The following NOXA1 variants were observed in gnomAD, a reference collection of about 807,000 sequenced individuals.
NOXA1 encodes the protein NADPH oxidase activator 1.
A neutral mutation model predicts 64.8 loss-of-function variants in NOXA1; 56 were observed. The ratio of observed to expected loss-of-function variants is 0.86; its 90% CI spans 0.70 to 1.08. The LOEUF (loss-of-function observed/expected upper bound fraction) is 1.08, where lower values mean the gene tolerates loss of function less well. Ranked by LOEUF, NOXA1 falls within the 50% of genes least tolerant of loss-of-function variation. The probability of loss-of-function intolerance (pLI) is 0.00; values close to 1 mark genes in which losing one functional copy is unlikely to be tolerated. For synonymous variants in NOXA1, 295 were observed against 294.8 expected (o/e 1.00, Z -0.01); for missense variants, 668 against 658.5 (o/e 1.01, Z -0.16).
chr9:137,429,834 C>T (rs1441702501), intron 5 of NOXA1, among the ~76,000 whole-genome samples: 1 of 74,052 alleles, frequency 1.4e-5, no homozygotes, highest in Non-Finnish European at 2.5e-5. Context: ...GTCCCTGCCA[C>T]AGATAGCGAG....
In NOXA1 at chr9:137,433,197, TCCTAC is replaced by T; in HGVS notation, c.851-7_851-3del. ...TAGTGGCTGTGTCAGTCTTGCTCTG[TCCTAC>T]AGGGCTGCCGGCAATGGGGGGGCCT... On this transcript the variant is annotated splice_region_variant and splice_polypyrimidine_tract_variant and intron_variant, in intron 9 of 13. Coordinates refer to ENST00000683555, the MANE Select transcript of NOXA1 (RefSeq NM_001256067.2). The T allele has an allele frequency of 6.2e-7, 1 of 1,608,960 alleles. No homozygotes were observed. The highest frequency in any genetic ancestry group is 1.3e-5 in the African/African-American group (1 of 74,944).
chr9:137,427,161 C>T (rs139486419), intron 2 of NOXA1, among the ~76,000 whole-genome samples: 1,585 of 152,168 alleles, frequency 0.01, 59 homozygotes, highest in Non-Finnish European at 5.0e-3. Flanking sequence ...CTTCATTGGC[C>T]GATAAAATAG....
chr9:137,424,112 GC>G (rs1209353477), intron 1 of NOXA1, among the ~76,000 whole-genome samples: 1 of 152,134 alleles, frequency 6.6e-6, no homozygotes, highest in African/African-American at 2.4e-5. Flanking sequence ...GGGTGCAGCG[GC>G]CGAGGCCCTG....
chr9:137,425,902 A>G (rs1045404575), intron 1 of NOXA1, among the ~76,000 whole-genome samples: 1 of 152,124 alleles, frequency 6.6e-6, no homozygotes, highest in African/African-American at 2.4e-5. Flanking sequence ...TTAAAAGACA[A>G]AAATCTTGCA....
intron 3 of NOXA1, 51 bp from the exon 4 acceptor site, chr9:137,428,831 G>C: frequency 3.3e-6 from 5 of 1,516,606 alleles, no homozygotes; most frequent in Non-Finnish European, 4.4e-6. Flanking sequence ...AACCGGGAGA[G>C]GGCCTGGGTG....
Position 137,434,406 on chromosome 9 carries a change from A to G in NOXA1, c.*46A>G. On this transcript the variant is annotated 3_prime_UTR_variant, in exon 14 of 14. Coordinates refer to ENST00000683555, the MANE Select transcript of NOXA1 (RefSeq NM_001256067.2). ...TTTTAATAAAAACAACCCCCACTGC[A>G]GTCTCACCCTCCAAGTGGGTGTGGG... 6.6e-7 allele frequency: 1 copy of G among 1,523,806 alleles called. No individual in the cohort carries two copies. The highest frequency in any genetic ancestry group is 8.8e-7 in the Non-Finnish European group (1 of 1,135,570). The allele number at this position is 1,523,806 out of a possible 1,614,324, so 94.4% of individuals were successfully genotyped here.
Position 137,431,972 on chromosome 9 carries a change from AAC to A in NOXA1, c.804+632_804+633del. Among the ~76,000 whole-genome samples the A allele has an allele frequency of 6.6e-6, 1 of 152,286 alleles. No homozygotes were observed. Among genetic ancestry groups the A allele is most frequent in the South Asian group, 2.1e-4 (1 of 4,828 alleles). ...CTTTATGGATGCCCACTTCCAGTTT[AAC>A]CGTGGCATCCCGGGGGCAAGGGCGC... On this transcript the variant is annotated intron_variant, in intron 8 of 13. Transcript: ENST00000683555. The surrounding 1 kb of genome is among the most constrained non-coding windows in gnomAD (Gnocchi z 5.6).
At position 137,433,986 on chromosome 9, in the gene NOXA1, C is replaced by G. The variant is rs867809764; in HGVS notation, c.1201C>G (p.Leu401Val). Residue 401 changes from leucine to valine, a missense_variant, in exon 13 of 14, where the codon CTC becomes GTC. Leu to Val is a conservative substitution (Grantham distance 32). Transcript: ENST00000683555. Reference protein sequence around the residue: ...QCRGAGGRPVLYQVVAQHSYS... With the variant: ...QCRGAGGRPVVYQVVAQHSYS... ...TCAGGGAGCCGGGGGTCGGCCGGTC[C>G]TCTACCAGGTGGTGGCCCAGCACAG... The G allele has an allele frequency of 6.4e-7, 1 of 1,556,940 alleles. No homozygotes were observed. Among genetic ancestry groups the G allele is most frequent in the South Asian group, 1.2e-5 (1 of 85,150 alleles).
At position 137,431,986 on chromosome 9, in the gene NOXA1, G is replaced by A. The variant is rs1143024; in HGVS notation, c.804+645G>A. Among the ~76,000 whole-genome samples, 6 of 152,176 alleles carry A rather than the reference G, an allele frequency of 3.9e-5. No homozygotes were observed. The highest frequency in any genetic ancestry group is 7.4e-5 in the Non-Finnish European group (5 of 68,026). ...ACTTCCAGTTTAACCGTGGCATCCC[G>A]GGGGCAAGGGCGCCCTCCAAGCTGT... On this transcript the variant is annotated intron_variant, in intron 8 of 13. Transcript: ENST00000683555. This position sits in a 1 kb window ranked among gnomAD's most constrained non-coding sequence, Gnocchi z 5.6.
intron 11 of NOXA1, 43 bp from the exon 12 acceptor site, chr9:137,433,707 C>T: frequency 2.0e-6 from 3 of 1,479,822 alleles, no homozygotes; most frequent in South Asian, 1.3e-5. Flanking sequence ...GCCCTCCCTG[C>T]AGGCCCCACC....
chr9:137,424,993 G>C (rs573165271), intron 1 of NOXA1, among the ~76,000 whole-genome samples: 1 of 152,204 alleles, frequency 6.6e-6, no homozygotes, highest in Non-Finnish European at 1.5e-5. Flanking sequence ...GGCAGCCCAG[G>C]GTGCAGAGGG....
chr9:137,429,199 C>G (rs1838979150), intron 4 of NOXA1, 77 bp from the exon 5 acceptor site: 4 of 1,357,032 alleles, frequency 2.9e-6, no homozygotes, highest in East Asian at 5.1e-5. Context: ...CCCTTCTGCT[C>G]CAAGGCACAG....
At chr9:137,427,977 C>A in intron 2 of NOXA1, 56 bp from the exon 3 acceptor site, 2 of 1,273,666 alleles carry the variant, frequency 1.6e-6, no homozygotes, top group Non-Finnish European at 1.1e-6. Context: ...TGAAAGCTGC[C>A]TAACCACAGC....
chr9:137,426,979 T>C (rs1301428953), intron 2 of NOXA1, among the ~76,000 whole-genome samples: 1 of 152,070 alleles, frequency 6.6e-6, no homozygotes, highest in Non-Finnish European at 1.5e-5. Flanking sequence ...GTATTTTTAG[T>C]AGAGACTGGG....
chr9:137,426,899 C>T (rs933223187), intron 2 of NOXA1, among the ~76,000 whole-genome samples: 3 of 152,166 alleles, frequency 2.0e-5, no homozygotes, highest in Admixed American at 6.5e-5. Flanking sequence ...TGGGTTCAAG[C>T]GATTCTCCTG....
At chr9:137,426,473 C>G in intron 2 of NOXA1, 143 bp downstream of exon 2, 1 of 691,870 alleles carries the variant, frequency 1.4e-6, no homozygotes, top group Non-Finnish European at 2.4e-6. Flanking sequence ...TCCAGGGAAA[C>G]CTGAGACTGT....
At chr9:137,425,240 T>G (rs1355703462) in intron 1 of NOXA1, among the ~76,000 whole-genome samples, 1 of 152,226 alleles carries the variant, frequency 6.6e-6, no homozygotes, top group Admixed American at 6.5e-5. Flanking sequence ...ACGGTCCCTG[T>G]TCAGAACCTT....
At chr9:137,432,187 G>A (rs1334782059) in intron 8 of NOXA1, among the ~76,000 whole-genome samples, 1 of 151,228 alleles carries the variant, frequency 6.6e-6, no homozygotes, top group Non-Finnish European at 1.5e-5. Flanking sequence ...GGCTGAGGTG[G>A]AAGGATTGCT....
chr9:137,433,600 C>G lies in NOXA1; in HGVS notation c.1057C>G (p.Gln353Glu). Residue 353 changes from glutamine to glutamate, a missense_variant, in exon 11 of 14, where the codon CAA (glutamine) becomes GAA (glutamate). Transcript: ENST00000683555. ...QALPHQAQLG[Q>E]LSYLAPGEDG... is the part of the protein sequence containing the mutation. ...CCTCCCTCACCAGGCCCAGCTTGGG[C>G]AACTCAGGTGGGCCAGAAAGCCCCC... 1 of 1,548,978 alleles carries G rather than the reference C, an allele frequency of 6.5e-7. No individual in the cohort carries two copies. The highest frequency in any genetic ancestry group is 8.7e-7 in the Non-Finnish European group (1 of 1,148,100).
Sources: gnomAD v4.1 joint callset for allele counts (sites outside exome capture counted in the v4.1 genomes callset) on GRCh38, gnomAD v4.1.1 for gene constraint, Gnocchi (gnomAD v3.1) non-coding constraint, MANE v1.5 for transcripts, NCBI Gene and HGNC (gene_info 2026-07-23, HGNC 2026-07-21) for gene names.